The following AFDN variants were observed in gnomAD, a reference collection of about 807,000 sequenced individuals.
AFDN encodes the protein afadin.
AFDN carries 68 observed loss-of-function variants against 216.6 expected under a neutral mutation model. The ratio of observed to expected loss-of-function variants is 0.31; its 90% CI spans 0.26 to 0.38. The LOEUF is 0.38. Among genes scored for constraint, AFDN ranks in the 10% least tolerant of loss-of-function variants. AFDN has a pLI of 1.00. For synonymous variants in AFDN, 868 were observed against 853.7 expected (o/e 1.02, Z -0.29); for missense variants, 2,136 against 2,342.0 (o/e 0.91, Z 1.82).
chr6:167,903,911 A>G (rs1298306842), intron 12 of AFDN, among the ~76,000 whole-genome samples: 1 of 152,192 alleles, frequency 6.6e-6, no homozygotes, highest in Non-Finnish European at 1.5e-5. Context: ...GTTTTTAGCC[A>G]GGCCACAACC....
intron 1 of AFDN, among the ~76,000 whole-genome samples, chr6:167,858,360 TTTTG>T (rs976689606): frequency 6.6e-6 from 1 of 152,350 alleles, no homozygotes; most frequent in African/African-American, 2.4e-5. Flanking sequence ...TGGCAGAGAA[TTTTG>T]TTTTATTTAT....
chr6:167,844,921 G>A (rs1287836449), intron 1 of AFDN, among the ~76,000 whole-genome samples: 1 of 147,548 alleles, frequency 6.8e-6, no homozygotes, highest in Non-Finnish European at 1.5e-5. Flanking sequence ...GTGCAGTGGC[G>A]CGATCATAGC....
At chr6:167,917,846 C>T (rs544717982) in intron 20 of AFDN, among the ~76,000 whole-genome samples, 1 of 152,114 alleles carries the variant, frequency 6.6e-6, no homozygotes, top group Non-Finnish European at 1.5e-5. Flanking sequence ...ATACATAAAT[C>T]GTGTCATAGT....
Position 167,948,101 on chromosome 6 carries a change from G to A in AFDN, c.3645+157G>A, listed in dbSNP as rs1307766913. 6.7e-6 allele frequency: 5 copies of A among 742,566 alleles called. No individual in the cohort carries two copies. The South Asian group carries it at 1.0e-4, about 15-fold the overall frequency. The allele number at this position is 742,566 out of a possible 1,614,324, so 46.0% of individuals were successfully genotyped here. ...TTATCTTTTGATTTTTAATATACTA[G>A]TCAGGTAAATCAGTTTTAAATTAAT... On this transcript the variant is annotated intron_variant, in intron 28 of 33. Transcript: ENST00000683244.
Position 167,898,501 on chromosome 6 carries a change from T to C in AFDN, c.1580+34T>C, listed in dbSNP as rs189251773. On this transcript the variant is annotated intron_variant, in intron 11 of 33. Transcript: ENST00000683244. ...ATTAACCCTAAGATTTAAAATGTTT[T>C]GATTATACTTAAAGTAGTTCAGATT... The C allele has an allele frequency of 1.9e-3, 3,012 of 1,590,546 alleles. 5 individuals are homozygous for C. The highest frequency in any genetic ancestry group is 2.4e-3 in the Non-Finnish European group (2,817 of 1,165,208).
Position 167,951,893 on chromosome 6 carries a change from C to T in AFDN, c.4539C>T (p.Ser1513=), listed in dbSNP as rs765150734. Residue 1513 remains serine (S), a synonymous_variant, in exon 30 of 34, where the codon TCC becomes TCT. Transcript: ENST00000683244. The surrounding 1 kb of genome is among the most constrained non-coding windows in gnomAD (Gnocchi z 7.1). ...QYITVSKEEL[S]SGDSLSPDPW... ...TTACAGTCAGCAAAGAGGAGCTTTCCTCGGGGGACAGTCTGTCCCCCGACC... is the reference window on the plus strand; with the variant it reads ...TTACAGTCAGCAAAGAGGAGCTTTCTTCGGGGGACAGTCTGTCCCCCGACC... 2.5e-6 allele frequency: 4 copies of T among 1,613,796 alleles called. No homozygotes were observed. The highest frequency in any genetic ancestry group is 2.2e-5 in the South Asian group (2 of 91,072).
At chr6:167,933,158 A>G (rs980561403) in intron 23 of AFDN, among the ~76,000 whole-genome samples, 4 of 152,282 alleles carry the variant, frequency 2.6e-5, no homozygotes, top group African/African-American at 9.6e-5. Context: ...TTTCTCTAAG[A>G]CCTGTTTTTT....
At chr6:167,965,719 CCT>C in intron 31 of AFDN, 36 bp from the exon 32 acceptor site, 4 of 1,493,374 alleles carry the variant, frequency 2.7e-6, no homozygotes, top group Middle Eastern at 1.9e-4. Context: ...TCCCTTCTCA[CCT>C]CTGACCTTTG....
At chr6:167,908,004 C>T (rs1260840265) in intron 13 of AFDN, among the ~76,000 whole-genome samples, 1 of 152,188 alleles carries the variant, frequency 6.6e-6, no homozygotes, top group Non-Finnish European at 1.5e-5. Flanking sequence ...TGGTGCTGAA[C>T]ACCTCTACCC....
At chr6:167,859,198 G>A (rs1026055195) in intron 1 of AFDN, among the ~76,000 whole-genome samples, 5 of 149,876 alleles carry the variant, frequency 3.3e-5, no homozygotes, top group African/African-American at 1.2e-4. Flanking sequence ...TAAAAATAGT[G>A]TTCATAGAAA....
At chr6:167,949,110 C>A (rs1339930951) in intron 29 of AFDN, among the ~76,000 whole-genome samples, 1 of 152,168 alleles carries the variant, frequency 6.6e-6, no homozygotes, top group Non-Finnish European at 1.5e-5. Flanking sequence ...CATTAGTAGA[C>A]GGGTGATGCC....
At chr6:167,858,426 G>A (rs1323203151) in intron 1 of AFDN, among the ~76,000 whole-genome samples, 1 of 152,172 alleles carries the variant, frequency 6.6e-6, no homozygotes, top group Admixed American at 6.5e-5. Flanking sequence ...TTCATAAAAA[G>A]GGAGATCTGT....
At chr6:167,923,047 T>C (rs1011778984) in intron 22 of AFDN, 88 bp downstream of exon 22, 2 of 892,166 alleles carry the variant, frequency 2.2e-6, no homozygotes, top group Non-Finnish European at 3.5e-6. Context: ...ACACTGAAGA[T>C]TGGTGTGATG....
At chr6:167,936,692 T>C (rs139413080) in intron 23 of AFDN, among the ~76,000 whole-genome samples, 424 of 152,254 alleles carry the variant, frequency 2.8e-3, no homozygotes, top group Middle Eastern at 0.017. Context: ...CTGAGGCATC[T>C]GACCAGCAGC....
intron 1 of AFDN, chr6:167,827,781 C>T (rs1250441434): frequency 6.6e-6 from 1 of 152,144 alleles, no homozygotes; most frequent in Non-Finnish European, 1.5e-5. Flanking sequence ...ATGGCACAGG[C>T]CCGGAGTCGG....
At chr6:167,844,226 A>G (rs558567629) in intron 1 of AFDN, among the ~76,000 whole-genome samples, 2 of 145,468 alleles carry the variant, frequency 1.4e-5, no homozygotes, top group South Asian at 4.3e-4. Flanking sequence ...GTGTTTTGAG[A>G]TGAGATCTTG....
rs1046669776 is a variant in AFDN, at chr6:167,962,272, A to C, written c.4834-161A>C. Among the ~76,000 whole-genome samples the C allele has an allele frequency of 6.6e-6, 1 of 152,226 alleles. No homozygotes were observed. Reference sequence around the variant, plus strand: ...AAATTGTAGAGCTAAAAAATTGTAAAAAGTTTTATTTTCCAACAGTGATTT... The same window carrying C: ...AAATTGTAGAGCTAAAAAATTGTAACAAGTTTTATTTTCCAACAGTGATTT... On this transcript the variant is annotated intron_variant, in intron 30 of 33. Transcript: ENST00000683244. The surrounding 1 kb of genome is among the most constrained non-coding windows in gnomAD (Gnocchi z 5.2).
chr6:167,877,581 A>T (rs1362821474), intron 5 of AFDN, among the ~76,000 whole-genome samples: 2 of 152,214 alleles, frequency 1.3e-5, no homozygotes, highest in East Asian at 1.9e-4. Flanking sequence ...CTAAATATTG[A>T]TAACAAAAAA....
Position 167,827,150 on chromosome 6 carries a change from T to C in AFDN, c.18T>C (p.Arg6=). MSAGG[R]DEERRKLADI... ...CCAGGACCATGTCGGCGGGCGGCCGTGACGAGGAGCGGCGGAAGCTGGCCG... is the reference window on the plus strand; with the variant it reads ...CCAGGACCATGTCGGCGGGCGGCCGCGACGAGGAGCGGCGGAAGCTGGCCG... The change falls in exon 1 of 34, where the codon CGT becomes CGC. Residue 6 remains arginine, a synonymous_variant. Transcript: ENST00000683244. The C allele has an allele frequency of 7.7e-7, 1 of 1,291,086 alleles. No homozygotes were observed. Among genetic ancestry groups the C allele is most frequent in the Non-Finnish European group, 1.0e-6 (1 of 991,766 alleles). 80.0% of individuals were successfully genotyped at this position (1,291,086 alleles called of 1,614,324 possible).
Sources: gnomAD v4.1 joint callset for allele counts (sites outside exome capture counted in the v4.1 genomes callset) on GRCh38, gnomAD v4.1.1 for gene constraint, Gnocchi (gnomAD v3.1) non-coding constraint, MANE v1.5 for transcripts, NCBI Gene and HGNC (gene_info 2026-07-23, HGNC 2026-07-21) for gene names.